BORCS5: variants seen among roughly 807,000 people sequenced by gnomAD.
The protein encoded by BORCS5 is BLOC-1-related complex subunit 5.
Under a neutral mutation model 22.1 loss-of-function variants are expected in BORCS5, and 17 were observed. The observed-to-expected ratio is 0.77, with a 90% CI of 0.53 to 1.15. The LOEUF is 1.15. Ranked by LOEUF, BORCS5 falls within the 50% of genes most tolerant of loss-of-function variation. The probability of loss-of-function intolerance (pLI) is 0.00; values close to 1 mark genes in which losing one functional copy is unlikely to be tolerated. For missense variants in BORCS5, 247 were observed against 253.2 expected (o/e 0.98, Z 0.17); for synonymous variants, 117 against 99.8 (o/e 1.17, Z -1.03).
At chr12:12,404,806 C>A (rs1304198020) in intron 2 of BORCS5, among the ~76,000 whole-genome samples, 1 of 152,182 alleles carries the variant, frequency 6.6e-6, no homozygotes, top group African/African-American at 2.4e-5. Flanking sequence ...TCAAGTGATT[C>A]TCCTGCCTCA....
At chr12:12,358,517 A>G (rs961796769) in intron 1 of BORCS5, among the ~76,000 whole-genome samples, 2 of 152,242 alleles carry the variant, frequency 1.3e-5, no homozygotes, top group Admixed American at 1.3e-4. Flanking sequence ...TATAAGAAAT[A>G]TAATAATTGC....
intron 2 of BORCS5, among the ~76,000 whole-genome samples, chr12:12,414,693 C>A (rs1941874273): frequency 7.9e-6 from 1 of 126,198 alleles, no homozygotes; most frequent in Non-Finnish European, 1.7e-5. Context: ...GGGGCTGACC[C>A]CCCCCACCTC....
chr12:12,370,875 A>T (rs1022527090), intron 2 of BORCS5, among the ~76,000 whole-genome samples: 5 of 151,814 alleles, frequency 3.3e-5, no homozygotes, highest in Non-Finnish European at 5.9e-5. Context: ...CAGCCTGCCG[A>T]GTAGCTGGGA....
chr12:12,438,385 A>AAAAAAAAAAAAAAAAACAC lies in BORCS5; in HGVS notation c.360+2602_360+2603insAAAAAAAAAAAAAACACAA, dbSNP rs1555156048. The stretch of plus-strand genomic sequence containing the variant: ...CAAAAAAAAAAAAAAAAAAAACGAA[A>AAAAAAAAAAAAAAAAACAC]AACAACAACAAAAACCTCTAATCCA... On this transcript the variant is annotated intron_variant, in intron 3 of 3. Transcript: ENST00000314565. Among the ~76,000 whole-genome samples the AAAAAAAAAAAAAAAAACAC allele has an allele frequency of 3.5e-4, 44 of 126,138 alleles. 2 individuals are homozygous for AAAAAAAAAAAAAAAAACAC. The highest frequency in any genetic ancestry group is 1.4e-3 in the African/African-American group (43 of 30,562). The allele number at this position is 126,138 out of a possible 152,430, so 82.8% of individuals were successfully genotyped here.
At chr12:12,388,473 A>G (rs7132813) in intron 2 of BORCS5, among the ~76,000 whole-genome samples, 10,358 of 151,510 alleles carry the variant, frequency 0.068, 821 homozygotes, top group East Asian at 0.23. Flanking sequence ...AAAGAAATGT[A>G]TCTGTAAATA....
At chr12:12,444,783 GTTTATA>G (rs1370145006) in intron 3 of BORCS5, among the ~76,000 whole-genome samples, 4 of 151,954 alleles carry the variant, frequency 2.6e-5, no homozygotes, top group African/African-American at 9.7e-5. Context: ...AGCTATAATA[GTTTATA>G]TTCAATATGA....
intron 2 of BORCS5, among the ~76,000 whole-genome samples, chr12:12,363,074 T>A (rs1228781259): frequency 6.6e-6 from 1 of 151,932 alleles, no homozygotes; most frequent in Non-Finnish European, 1.5e-5. Context: ...GGCAGGAGGA[T>A]CACTTGAGTC....
chr12:12,357,096 G>A lies in BORCS5; in HGVS notation c.-356G>A. ...ACCGCCCATCTGCGTCCCGGAAGGA[G>A]CGAGCTTGCGGAGCGTGAACCAGTG... is the stretch of plus-strand genomic sequence containing the variant. On this transcript the variant is annotated 5_prime_UTR_variant, in exon 1 of 4. Transcript: ENST00000314565. 6.5e-7 allele frequency: 1 copy of A among 1,534,552 alleles called. No homozygotes were observed. Among genetic ancestry groups the A allele is most frequent in the Non-Finnish European group, 8.7e-7 (1 of 1,146,010 alleles).
Position 12,435,775 on chromosome 12 carries a change from G to T in BORCS5, c.350G>T (p.Arg117Leu). The T allele has an allele frequency of 1.2e-6, 2 of 1,611,626 alleles. No homozygotes were observed. The highest frequency in any genetic ancestry group is 1.7e-6 in the Non-Finnish European group (2 of 1,178,924). The change falls in exon 3 of 4, where the codon CGA becomes CTA. Residue 117 changes from arginine to leucine, a missense_variant. Transcript: ENST00000314565. ...TTTGACCAGAATGCTTTGGTTAAACGAATCAAAGAGGTAATGTGCTGCGGG... is the reference window on the plus strand; with the variant it reads ...TTTGACCAGAATGCTTTGGTTAAACTAATCAAAGAGGTAATGTGCTGCGGG... ...VAFDQNALVK[R>L]IKEMDLSVET... is the part of the protein sequence containing the mutation.
At chr12:12,415,576 A>AAGGGGAGGGGGG (rs1404626287) in intron 2 of BORCS5, among the ~76,000 whole-genome samples, 1 of 37,882 alleles carries the variant, frequency 2.6e-5, no homozygotes, top group Non-Finnish European at 5.3e-5. Flanking sequence ...GGGGAGGGGG[A>AAGGGGAGGGGGG]GGGGCGATTT....
intron 3 of BORCS5, among the ~76,000 whole-genome samples, chr12:12,440,200 CCT>C (rs1372038695): frequency 6.6e-6 from 1 of 152,168 alleles, no homozygotes; most frequent in African/African-American, 2.4e-5. Flanking sequence ...GCTCAGCTTT[CCT>C]TATGTTAAAT....
intron 2 of BORCS5, among the ~76,000 whole-genome samples, chr12:12,390,210 G>A (rs1043444334): frequency 6.6e-6 from 1 of 152,088 alleles, no homozygotes; most frequent in African/African-American, 2.4e-5. Flanking sequence ...GTTAGGCACT[G>A]TTCTAGGAGG....
chr12:12,394,182 C>A (rs1241356035), intron 2 of BORCS5, among the ~76,000 whole-genome samples: 1 of 151,754 alleles, frequency 6.6e-6, no homozygotes, highest in Non-Finnish European at 1.5e-5. Context: ...AAAAATGAGC[C>A]TGGTATGGTA....
chr12:12,423,386 C>T (rs1774262047), intron 2 of BORCS5, among the ~76,000 whole-genome samples: 1 of 151,318 alleles, frequency 6.6e-6, no homozygotes, highest in Admixed American at 6.6e-5. Context: ...ACCTGCAGGA[C>T]CCCCTTTAGC....
chr12:12,370,282 T>G (rs543306867), intron 2 of BORCS5, among the ~76,000 whole-genome samples: 48 of 152,320 alleles, frequency 3.2e-4, no homozygotes, highest in Middle Eastern at 3.4e-3. Context: ...ATTTTTAGTT[T>G]AAAGGACTTC....
intron 2 of BORCS5, among the ~76,000 whole-genome samples, chr12:12,404,839 C>T (rs1179522760): frequency 6.6e-6 from 1 of 152,180 alleles, no homozygotes; most frequent in Non-Finnish European, 1.5e-5. Flanking sequence ...GCTGGGATTA[C>T]AGGTGCCCGC....
At chr12:12,457,465 C>T (rs1048921137) in intron 3 of BORCS5, among the ~76,000 whole-genome samples, 9 of 152,144 alleles carry the variant, frequency 5.9e-5, no homozygotes, top group African/African-American at 1.2e-4. Flanking sequence ...GTCAGGAGAT[C>T]GAGACCATCC....
intron 2 of BORCS5, among the ~76,000 whole-genome samples, chr12:12,433,595 A>G (rs545056019): frequency 6.6e-6 from 1 of 152,318 alleles, no homozygotes; most frequent in African/African-American, 2.4e-5. Flanking sequence ...AAATTGGGTA[A>G]AGGGGACACG....
chr12:12,366,396 C>A lies in BORCS5; in HGVS notation c.202+5047C>A, dbSNP rs529432443. On this transcript the variant is annotated intron_variant, in intron 2 of 3. Transcript: ENST00000314565. Reference sequence around the variant, plus strand: ...TTTTTAATAAGCAAGCAGATTCTTTCTTTGGCCTTAACCCTTTTGCATAAA... The same window carrying A: ...TTTTTAATAAGCAAGCAGATTCTTTATTTGGCCTTAACCCTTTTGCATAAA... Among the ~76,000 whole-genome samples the A allele has an allele frequency of 2.2e-4, 34 of 152,308 alleles. 1 individual carries two copies. In the South Asian group the frequency reaches 7.0e-3, roughly 32 times the overall value.
Sources: gnomAD v4.1 joint callset for allele counts (sites outside exome capture counted in the v4.1 genomes callset) on GRCh38, gnomAD v4.1.1 for gene constraint, MANE v1.5 for transcripts, NCBI Gene and HGNC (gene_info 2026-07-23, HGNC 2026-07-21) for gene names.